The following RARB variants were observed in gnomAD, a reference collection of about 807,000 sequenced individuals.
RARB encodes retinoic acid receptor beta.
RARB carries 17 observed loss-of-function variants against 51.9 expected under a neutral mutation model. The ratio of observed to expected loss-of-function variants is 0.33; its 90% CI spans 0.22 to 0.49. The LOEUF (loss-of-function observed/expected upper bound fraction) is 0.49. Ranked by LOEUF, RARB falls within the 20% of genes least tolerant of loss-of-function variation. The probability of loss-of-function intolerance (pLI) is 0.99; values close to 1 mark genes in which losing one functional copy is unlikely to be tolerated. For missense variants in RARB, 369 were observed against 550.8 expected, an observed-to-expected ratio of 0.67 and a Z score of 3.30; for synonymous variants, 215 against 195.4, an observed-to-expected ratio of 1.10 and a Z score of -0.84.
At chr3:25,390,529 T>C (rs942191750) in intron 5 of RARB, among the ~76,000 whole-genome samples, 3 of 152,204 alleles carry the variant, frequency 2.0e-5, no homozygotes, top group African/African-American at 7.2e-5. Context: ...GCCTGTGGGA[T>C]ATAAAAACAC....
At chr3:25,222,796 A>AT (rs1171841605) in intron 5 of RARB, among the ~76,000 whole-genome samples, 2 of 152,128 alleles carry the variant, frequency 1.3e-5, no homozygotes, top group Non-Finnish European at 2.9e-5. Context: ...CTTCATAGTG[A>AT]TTTTTTATTC....
intron 3 of RARB, among the ~76,000 whole-genome samples, chr3:25,521,110 C>A (rs1484625946): frequency 6.6e-6 from 1 of 152,178 alleles, no homozygotes; most frequent in Non-Finnish European, 1.5e-5. Flanking sequence ...TCAGAGCAAC[C>A]TATGTCTGGG....
chr3:25,143,986 T>G (rs984775291), intron 4 of RARB, among the ~76,000 whole-genome samples: 1 of 151,960 alleles, frequency 6.6e-6, no homozygotes, highest in Non-Finnish European at 1.5e-5. Flanking sequence ...TCACTTTCTA[T>G]GAAAGATATT....
intron 5 of RARB, among the ~76,000 whole-genome samples, chr3:25,238,636 G>A (rs543811910): frequency 6.6e-6 from 1 of 152,274 alleles, no homozygotes; most frequent in East Asian, 1.9e-4. Flanking sequence ...TGGTGTATAA[G>A]AATTCTCTTT....
At chr3:25,522,003 C>T (rs1045996114) in intron 3 of RARB, among the ~76,000 whole-genome samples, 1 of 143,756 alleles carries the variant, frequency 7.0e-6, no homozygotes, top group Non-Finnish European at 1.5e-5. Flanking sequence ...TCTCATATGT[C>T]ACCTTTTTAT....
intron 3 of RARB, among the ~76,000 whole-genome samples, chr3:25,116,173 C>G (rs1186526917): frequency 1.3e-5 from 2 of 152,170 alleles, no homozygotes; most frequent in Non-Finnish European, 1.5e-5. Context: ...GAGCATCGCA[C>G]AGAACCCAGG....
chr3:25,419,768 A>AG (rs1444371271), intron 5 of RARB, among the ~76,000 whole-genome samples: 2 of 152,194 alleles, frequency 1.3e-5, no homozygotes, highest in African/African-American at 4.8e-5. Context: ...GCTTAAACAG[A>AG]GGGAAAGTAT....
At chr3:25,267,542 C>T (rs1258615183) in intron 5 of RARB, among the ~76,000 whole-genome samples, 1 of 152,150 alleles carries the variant, frequency 6.6e-6, no homozygotes, top group Non-Finnish European at 1.5e-5. Flanking sequence ...ACCTCTTGTT[C>T]AGTGTCCTCT....
At chr3:25,561,019 T>C (rs1327018238) in intron 3 of RARB, among the ~76,000 whole-genome samples, 1 of 152,216 alleles carries the variant, frequency 6.6e-6, no homozygotes, top group African/African-American at 2.4e-5. Flanking sequence ...CAAAAACTGA[T>C]GTCCTCATTT....
At chr3:25,270,882 A>G (rs73153205) in intron 5 of RARB, among the ~76,000 whole-genome samples, 2,604 of 152,318 alleles carry the variant, frequency 0.017, 60 homozygotes, top group African/African-American at 0.058. Flanking sequence ...AAAACCGCAA[A>G]TACTTTCGCC....
At chr3:24,980,106 G>A (rs112753241) in intron 2 of RARB, among the ~76,000 whole-genome samples, 76 of 152,158 alleles carry the variant, frequency 5.0e-4, no homozygotes, top group African/African-American at 1.7e-3. Context: ...CCCCACTCTC[G>A]TCTTGTTTGT....
chr3:25,057,206 C>G (rs969971003), intron 2 of RARB, among the ~76,000 whole-genome samples: 1 of 152,022 alleles, frequency 6.6e-6, no homozygotes, highest in South Asian at 2.1e-4. Context: ...ACCCACAAAC[C>G]AGCCCGTGTT....
In RARB at chr3:25,338,312, C is replaced by T. The variant is rs184180943; in HGVS notation, c.179-122881C>T. ...AGAGGCTGTATTTACAAAAGGGATG[C>T]TCTGCTCTGAAAGTCCTCTGGCTAT... On this transcript the variant is annotated intron_variant, in intron 5 of 11. Coordinates refer to the RARB transcript ENST00000383772. Among the ~76,000 whole-genome samples, 16 of 152,266 alleles carry T rather than the reference C, an allele frequency of 1.1e-4. 1 individual carries two copies. Among genetic ancestry groups the T allele is most frequent in the Admixed American group, 4.6e-4 (7 of 15,294 alleles).
intron 3 of RARB, among the ~76,000 whole-genome samples, chr3:25,068,423 G>C (rs967205660): frequency 2.6e-5 from 4 of 151,934 alleles, no homozygotes; most frequent in Non-Finnish European, 1.5e-5. Flanking sequence ...AGTTTGAGGA[G>C]GAAAGAAATA....
At chr3:25,158,282 A>G (rs1700411418) in intron 4 of RARB, among the ~76,000 whole-genome samples, 1 of 152,228 alleles carries the variant, frequency 6.6e-6, no homozygotes, top group African/African-American at 2.4e-5. Context: ...TCACCCTTCA[A>G]TTATTAGAAT....
chr3:25,397,774 C>A (rs1435706006), intron 5 of RARB, among the ~76,000 whole-genome samples: 1 of 151,940 alleles, frequency 6.6e-6, no homozygotes, highest in Non-Finnish European at 1.5e-5. Flanking sequence ...TCAGGTAATG[C>A]ATTTAGCCTC....
At chr3:25,130,947 T>TATTGA (rs1559477575) in intron 3 of RARB, among the ~76,000 whole-genome samples, 2 of 43,000 alleles carry the variant, frequency 4.7e-5, no homozygotes, top group African/African-American at 1.5e-4. Flanking sequence ...ATATCAATAT[T>TATTGA]TATTATTGAT....
chr3:25,408,865 CTCTACTAAAAATACA>C (rs1707485460), intron 5 of RARB, among the ~76,000 whole-genome samples: 1 of 152,076 alleles, frequency 6.6e-6, no homozygotes, highest in African/African-American at 2.4e-5. Flanking sequence ...GAAATGCAGT[CTCTACTAAAAATACA>C]AAAATTAGCT....
At chr3:25,338,720 C>G (rs1705136440) in intron 5 of RARB, among the ~76,000 whole-genome samples, 1 of 152,178 alleles carries the variant, frequency 6.6e-6, no homozygotes, top group African/African-American at 2.4e-5. Context: ...ATTCACTTAT[C>G]TATTTAATTT....
Sources: gnomAD v4.1 joint callset for allele counts (sites outside exome capture counted in the v4.1 genomes callset) on GRCh38, gnomAD v4.1.1 for gene constraint, MANE v1.5 for transcripts, NCBI Gene and HGNC (gene_info 2026-07-23, HGNC 2026-07-21) for gene names.